Variants in C1orf94 observed in about 807,000 individuals in gnomAD.
C1orf94 encodes uncharacterized protein C1orf94.
C1orf94 carries 45 observed loss-of-function variants against 53.6 expected under a neutral mutation model. The observed-to-expected ratio is 0.84, with a 90% CI of 0.66 to 1.08. C1orf94 has a LOEUF of 1.08. Among genes scored for constraint, C1orf94 ranks in the 50% least tolerant of loss-of-function variants. The pLI, the probability that C1orf94 is intolerant of heterozygous loss-of-function variation, is 0.00. For missense variants in C1orf94, 762 were observed against 738.9 expected, an observed-to-expected ratio of 1.03 and a Z score of -0.36; for synonymous variants, 304 against 296.1, an observed-to-expected ratio of 1.03 and a Z score of -0.27.
chr1:34,169,616 AGAGAGAGAGAGAGAGAGAGT>A (rs112327855), intron 1 of C1orf94, among the ~76,000 whole-genome samples: 23,870 of 134,598 alleles, frequency 0.18, 2,202 homozygotes, highest in East Asian at 0.39. Context: ...AGAGAGAGAG[AGAGAGAGAGAGAGAGAGAGT>A]GAGCAAATGG....
rs541103572 is a variant in C1orf94, at chr1:34,218,069, C to T, written c.1722-617C>T. Among the ~76,000 whole-genome samples the T allele has an allele frequency of 7.2e-5, 11 of 152,202 alleles. No individual in the cohort carries two copies. In the East Asian group the frequency reaches 7.7e-4, roughly 11 times the overall value. Reference sequence around the variant, plus strand: ...AGTGTGCCAGGGAGAAAAGGAGAGGCGTGTGCATTTCTGCTCTTAGACGGT... The same window carrying T: ...AGTGTGCCAGGGAGAAAAGGAGAGGTGTGTGCATTTCTGCTCTTAGACGGT... On this transcript the variant is annotated intron_variant, in intron 6 of 6. Coordinates refer to ENST00000488417, the MANE Select transcript of C1orf94 (RefSeq NM_001134734.2).
chr1:34,174,993 G>A (rs1408879647), upstream of C1orf94, among the ~76,000 whole-genome samples: 2 of 152,068 alleles, frequency 1.3e-5, no homozygotes, highest in Admixed American at 6.5e-5. Context: ...CAAATGAGGA[G>A]CTGAATTTTT....
intron 3 of C1orf94, 33 bp from the exon 4 acceptor site, chr1:34,202,051 A>G (rs746814152): frequency 7.5e-6 from 12 of 1,603,944 alleles, no homozygotes; most frequent in Non-Finnish European, 9.4e-6. Flanking sequence ...TGCCTCCATC[A>G]CTGACCCGCT....
At chr1:34,200,455 TAGTC>T (rs1362729182) in intron 2 of C1orf94, among the ~76,000 whole-genome samples, 14 of 152,072 alleles carry the variant, frequency 9.2e-5, no homozygotes, top group African/African-American at 2.7e-4. Flanking sequence ...TAAAGATGGA[TAGTC>T]AGACAAATGG....
Position 34,186,096 on chromosome 1 carries a change from A to G in C1orf94, c.320+7987A>G, listed in dbSNP as rs1642381080. On this transcript the variant is annotated intron_variant, in intron 1 of 6. Coordinates refer to ENST00000488417, the MANE Select transcript of C1orf94 (RefSeq NM_001134734.2). ...ACATTTTTCTTTCTCTTTTTCCCAC[A>G]TTCCTCTTTTTAATTGAAATAAACA... is the stretch of plus-strand genomic sequence containing the variant. Among the ~76,000 whole-genome samples the G allele has an allele frequency of 2.0e-5, 3 of 152,074 alleles. No homozygotes were observed. The South Asian group carries it at 6.2e-4, about 32-fold the overall frequency.
intron 1 of C1orf94, among the ~76,000 whole-genome samples, chr1:34,186,131 C>T (rs1046829018): frequency 7.9e-5 from 12 of 152,142 alleles, no homozygotes; most frequent in Admixed American, 7.9e-4. Flanking sequence ...AACTATGTCC[C>T]ACCTCTTTCC....
At chr1:34,183,416 C>A (rs749371226) in intron 1 of C1orf94, among the ~76,000 whole-genome samples, 10 of 152,224 alleles carry the variant, frequency 6.6e-5, no homozygotes, top group Non-Finnish European at 1.3e-4. Flanking sequence ...TTCATGAATT[C>A]ATTCAACAAA....
chr1:34,181,303 G>C (rs1468674979), intron 1 of C1orf94, among the ~76,000 whole-genome samples: 2 of 152,162 alleles, frequency 1.3e-5, no homozygotes, highest in African/African-American at 2.4e-5. Flanking sequence ...TGTCCACACT[G>C]TTGGTCCTTG....
In C1orf94 at chr1:34,197,650, A is replaced by T; in HGVS notation, c.746A>T (p.Glu249Val). Residue 249 changes from glutamate to valine, a missense_variant, in exon 2 of 7, where the codon GAG becomes GTG. Physicochemically the swap from Glu to Val is moderately radical, Grantham distance 121. Coordinates refer to ENST00000488417, the MANE Select transcript of C1orf94 (RefSeq NM_001134734.2). This position sits in a 1 kb window ranked among gnomAD's most constrained non-coding sequence, Gnocchi z 4.1. ...TCCCAGTTCCCACTGAAGTCCACTG[A>T]GACATCCAAGGTCCCTGACAACAAG... is the stretch of plus-strand genomic sequence containing the variant. ...LLSQFPLKST[E>V]TSKVPDNKNV... 6.2e-7 allele frequency: 1 copy of T among 1,614,178 alleles called. No individual in the cohort carries two copies. The highest frequency in any genetic ancestry group is 1.1e-5 in the South Asian group (1 of 91,090).
At chr1:34,173,776 G>T (rs1642182123), upstream of C1orf94, among the ~76,000 whole-genome samples, 1 of 152,192 alleles carries the variant, frequency 6.6e-6, no homozygotes, top group South Asian at 2.1e-4. Context: ...GGGAATTCAA[G>T]AAGTTTTCCA....
intron 1 of C1orf94, among the ~76,000 whole-genome samples, chr1:34,187,216 C>T (rs1415483001): frequency 6.6e-6 from 1 of 152,124 alleles, no homozygotes; most frequent in East Asian, 1.9e-4. Context: ...ATATTACTCC[C>T]ATTTTATAGA....
chr1:34,187,722 A>G (rs1016400148), intron 1 of C1orf94, among the ~76,000 whole-genome samples: 3 of 145,468 alleles, frequency 2.1e-5, no homozygotes, highest in African/African-American at 7.7e-5. Flanking sequence ...TGCTGTATTT[A>G]TTCCCTGGTA....
intron 6 of C1orf94, among the ~76,000 whole-genome samples, chr1:34,213,771 C>T (rs956973596): frequency 1.3e-5 from 2 of 152,154 alleles, no homozygotes; most frequent in Admixed American, 1.3e-4. Flanking sequence ...AAACTCCTGA[C>T]CTCAGGTCAT....
chr1:34,198,003 C>A, intron 2 of C1orf94, 90 bp downstream of exon 2: 2 of 1,306,962 alleles, frequency 1.5e-6, no homozygotes, highest in Non-Finnish European at 1.0e-6. Context: ...GTACATAAAG[C>A]ATCTTCATGC....
intron 4 of C1orf94, among the ~76,000 whole-genome samples, chr1:34,206,422 C>T (rs565324639): frequency 3.3e-4 from 50 of 152,326 alleles, no homozygotes; most frequent in Non-Finnish European, 7.1e-4. Flanking sequence ...AGGCATAGCT[C>T]TGGTCACCCT....
In C1orf94 at chr1:34,200,839, G is replaced by C; in HGVS notation, c.1077G>C (p.Gln359His). Residue 359 changes from glutamine to histidine, a missense_variant, in exon 3 of 7, where the codon CAG (glutamine) becomes CAC (histidine). By Grantham distance (24) the Gln-to-His change is conservative (BLOSUM62 0). Transcript: ENST00000488417. ...GCCTCTTTCTCAGCCAGTGGCCCCA[G>C]AGCCAGAAGGACGCCTGTGGTGAGG... ...QGSLFLSQWP[Q>H]SQKDACGEEG... The C allele has an allele frequency of 6.2e-7, 1 of 1,614,222 alleles. No individual in the cohort carries two copies. Among genetic ancestry groups the C allele is most frequent in the Non-Finnish European group, 8.5e-7 (1 of 1,180,034 alleles).
At chr1:34,183,464 C>T (rs1642340417) in intron 1 of C1orf94, among the ~76,000 whole-genome samples, 1 of 152,180 alleles carries the variant, frequency 6.6e-6, no homozygotes, top group Non-Finnish European at 1.5e-5. Flanking sequence ...TATGATGGGT[C>T]CCAGGGACAC....
chr1:34,207,062 C>G (rs1344868078), intron 4 of C1orf94, among the ~76,000 whole-genome samples: 4 of 152,148 alleles, frequency 2.6e-5, no homozygotes, highest in Non-Finnish European at 5.9e-5. Context: ...TAGGGTCAGC[C>G]ATCATCAACA....
upstream of C1orf94, among the ~76,000 whole-genome samples, chr1:34,172,650 C>T (rs1274500891): frequency 6.6e-6 from 1 of 152,200 alleles, no homozygotes; most frequent in Non-Finnish European, 1.5e-5. Flanking sequence ...GGAAAAACCC[C>T]CAAGAAATGG....
Sources: gnomAD v4.1 joint callset for allele counts (sites outside exome capture counted in the v4.1 genomes callset) on GRCh38, gnomAD v4.1.1 for gene constraint, Gnocchi (gnomAD v3.1) non-coding constraint, MANE v1.5 for transcripts, NCBI Gene and HGNC (gene_info 2026-07-23, HGNC 2026-07-21) for gene names.